Variants in SPIDR observed in about 807,000 individuals in gnomAD.
SPIDR encodes scaffold protein involved in DNA repair.
In SPIDR, 93 loss-of-function variants were observed where a neutral mutation model predicts 104.6. The ratio of observed to expected loss-of-function variants is 0.89; its 90% CI spans 0.75 to 1.06. SPIDR has a LOEUF of 1.06. Among genes scored for constraint, SPIDR ranks in the 50% least tolerant of loss-of-function variants. SPIDR has a pLI of 0.00. For synonymous variants in SPIDR, 431 were observed against 416.9 expected (o/e 1.03, Z -0.41); for missense variants, 1,154 against 1,111.2 (o/e 1.04, Z -0.55).
chr8:47,396,448 A>T lies in SPIDR; in HGVS notation c.598A>T (p.Ile200Phe), dbSNP rs373621549. The T allele has an allele frequency of 7.4e-6, 12 of 1,613,974 alleles. No homozygotes were observed. The African/African-American group carries it at 1.5e-4, about 20-fold the overall frequency. The change falls in exon 6 of 20, where the codon ATT (isoleucine) becomes TTT (phenylalanine). Residue 200 changes from isoleucine (I) to phenylalanine (F), a missense_variant. Physicochemically the swap from Ile to Phe is conservative, Grantham distance 21. Transcript: ENST00000297423. ...KEDDLENVLL[I>F]DSESPHKYHV... ...AGATGATTTGGAAAATGTCCTACTC[A>T]TTGATTCAGAATCCCCTCACAAATA...
At chr8:47,504,151 C>T (rs982525777) in intron 8 of SPIDR, among the ~76,000 whole-genome samples, 44 of 152,178 alleles carry the variant, frequency 2.9e-4, no homozygotes, top group African/African-American at 1.0e-3. Flanking sequence ...TTGTGGCGTT[C>T]TCTGTATTTC....
At chr8:47,518,785 T>C (rs1010302974) in intron 8 of SPIDR, among the ~76,000 whole-genome samples, 3 of 151,944 alleles carry the variant, frequency 2.0e-5, no homozygotes, top group African/African-American at 4.8e-5. Context: ...TACAGGCGCC[T>C]GCCACCACGC....
chr8:47,730,705 C>T (rs2085062056), intron 19 of SPIDR, among the ~76,000 whole-genome samples: 1 of 152,148 alleles, frequency 6.6e-6, no homozygotes, highest in Non-Finnish European at 1.5e-5. Context: ...CCTCAGCCTC[C>T]CAAGTATCCA....
chr8:47,378,795 C>T (rs2058979543), intron 5 of SPIDR, among the ~76,000 whole-genome samples: 1 of 152,180 alleles, frequency 6.6e-6, no homozygotes, highest in Non-Finnish European at 1.5e-5. Flanking sequence ...AAAAGTCCAG[C>T]CGGTGCCTTT....
At chr8:47,320,040 A>G (rs529231469) in intron 5 of SPIDR, among the ~76,000 whole-genome samples, 87 of 152,230 alleles carry the variant, frequency 5.7e-4, no homozygotes, top group Non-Finnish European at 8.7e-4. Context: ...TAAAAGAACT[A>G]GAGAAGCAAG....
intron 5 of SPIDR, 148 bp downstream of exon 5, chr8:47,294,178 T>G: frequency 1.0e-6 from 1 of 953,672 alleles, no homozygotes; most frequent in Non-Finnish European, 1.5e-6. Flanking sequence ...TTTACTCACT[T>G]ATCTCTAAAT....
intron 5 of SPIDR, among the ~76,000 whole-genome samples, chr8:47,366,446 AG>A (rs1366232124): frequency 6.6e-6 from 1 of 152,150 alleles, no homozygotes; most frequent in Non-Finnish European, 1.5e-5. Context: ...GGCTGTGCAC[AG>A]ACAGAAAGAA....
intron 8 of SPIDR, chr8:47,527,899 T>C (rs2085281305): frequency 6.6e-6 from 1 of 152,250 alleles, no homozygotes; most frequent in Admixed American, 6.5e-5. Context: ...ACCAGTGGTA[T>C]ATCTTTTTTT....
At chr8:47,717,802 A>C (rs954470193) in intron 16 of SPIDR, among the ~76,000 whole-genome samples, 3 of 152,230 alleles carry the variant, frequency 2.0e-5, no homozygotes, top group Non-Finnish European at 4.4e-5. Flanking sequence ...TCTGTCACAA[A>C]GCTCTGTTCC....
At chr8:47,423,638 A>G (rs2065939094) in intron 7 of SPIDR, among the ~76,000 whole-genome samples, 1 of 152,176 alleles carries the variant, frequency 6.6e-6, no homozygotes, top group Admixed American at 6.5e-5. Context: ...AAGAGCAGCA[A>G]AAAGCACAGA....
Position 47,675,331 on chromosome 8 carries a change from C to T in SPIDR, c.1685+1390C>T, listed in dbSNP as rs182823023. Among the ~76,000 whole-genome samples, 18 of 152,296 alleles carry T rather than the reference C, an allele frequency of 1.2e-4. No individual in the cohort carries two copies. In the South Asian group the frequency reaches 1.4e-3, roughly 12 times the overall value. On this transcript the variant is annotated intron_variant, in intron 11 of 19. Transcript: ENST00000297423. ...GATTACAGGCGTGAGCTACCACGCC[C>T]GGCCAGCTATGTTTTATAATAAATA...
At chr8:47,373,815 C>G (rs1349855487) in intron 5 of SPIDR, among the ~76,000 whole-genome samples, 1 of 152,130 alleles carries the variant, frequency 6.6e-6, no homozygotes, top group Non-Finnish European at 1.5e-5. Flanking sequence ...AAAGATAAAT[C>G]AAATGTGAAT....
At chr8:47,449,165 G>A (rs1475285850) in intron 8 of SPIDR, among the ~76,000 whole-genome samples, 1 of 152,180 alleles carries the variant, frequency 6.6e-6, no homozygotes, top group Non-Finnish European at 1.5e-5. Context: ...AGGCAACAGG[G>A]TTTGCTGATG....
At chr8:47,685,744 G>A (rs1017802325) in intron 11 of SPIDR, among the ~76,000 whole-genome samples, 10 of 151,770 alleles carry the variant, frequency 6.6e-5, no homozygotes, top group South Asian at 4.1e-4. Context: ...TAGTAGAGAC[G>A]GGGTTTCACC....
chr8:47,728,995 T>C lies in SPIDR; in HGVS notation c.2498T>C (p.Leu833Pro), dbSNP rs772662519. The C allele has an allele frequency of 3.7e-6, 6 of 1,613,882 alleles. No individual in the cohort carries two copies. The African/African-American group carries it at 4.0e-5, about 11-fold the overall frequency. ...ACATCTCCTGTTCTCAAGAGGCACCTGCAGGTCTTCCTGGACTGCCGCTCA... is the reference window on the plus strand; with the variant it reads ...ACATCTCCTGTTCTCAAGAGGCACCCGCAGGTCTTCCTGGACTGCCGCTCA... Reference protein sequence around the residue: ...VVTSPVLKRHLQVFLDCRSRP... With the variant: ...VVTSPVLKRHPQVFLDCRSRP... The change falls in exon 18 of 20, where the codon CTG (leucine) becomes CCG (proline). Residue 833 changes from leucine to proline, a missense_variant. Leu to Pro is a moderately conservative substitution (Grantham distance 98, BLOSUM62 -3). Coordinates refer to ENST00000297423, the MANE Select transcript of SPIDR (RefSeq NM_001080394.4).
chr8:47,500,826 G>A (rs577783244), intron 8 of SPIDR, among the ~76,000 whole-genome samples: 4 of 152,240 alleles, frequency 2.6e-5, no homozygotes, highest in African/African-American at 9.6e-5. Flanking sequence ...TATATAAGGT[G>A]TAAGGAAGGG....
At chr8:47,727,088 A>G in intron 16 of SPIDR, 112 bp from the exon 17 acceptor site, 1 of 812,904 alleles carries the variant, frequency 1.2e-6, no homozygotes, top group Admixed American at 2.4e-5. Context: ...TAAACTCCCA[A>G]GTAAGGCAAA....
intron 7 of SPIDR, among the ~76,000 whole-genome samples, chr8:47,421,536 T>G (rs2065460951): frequency 6.6e-6 from 1 of 152,178 alleles, no homozygotes; most frequent in African/African-American, 2.4e-5. Flanking sequence ...GGTTTTTAAC[T>G]TCTTTGCCAT....
intron 10 of SPIDR, among the ~76,000 whole-genome samples, chr8:47,627,682 T>TC (rs1168020106): frequency 1.3e-5 from 2 of 151,670 alleles, no homozygotes; most frequent in Non-Finnish European, 2.9e-5. Flanking sequence ...ATGTGATTCC[T>TC]CCCCCCTCCC....
Sources: allele counts gnomAD v4.1 joint callset (sites outside exome capture counted in the v4.1 genomes callset), GRCh38; gene constraint gnomAD v4.1.1; transcripts MANE v1.5; gene names NCBI Gene and HGNC (gene_info 2026-07-23, HGNC 2026-07-21).